MACROD2: variants seen among roughly 807,000 people sequenced by gnomAD.
MACROD2 encodes the protein ADP-ribose glycohydrolase MACROD2.
In MACROD2, 36 loss-of-function variants were observed where a neutral mutation model predicts 70.4. That is an observed-to-expected ratio of 0.51 (90% CI 0.39 to 0.68). The LOEUF (loss-of-function observed/expected upper bound fraction) is 0.68. MACROD2 is among the 30% of genes least tolerant of loss of function. The pLI is 0.00. For synonymous variants in MACROD2, 172 were observed against 178.8 expected (o/e 0.96, Z 0.30); for missense variants, 496 against 538.4 (o/e 0.92, Z 0.78).
At chr20:14,651,255 C>T (rs949444483) in intron 4 of MACROD2, among the ~76,000 whole-genome samples, 3 of 151,844 alleles carry the variant, frequency 2.0e-5, no homozygotes, top group Admixed American at 6.6e-5. Context: ...TATAGGGGGA[C>T]GTCATGATGC....
chr20:15,887,726 C>A (rs2064839939), intron 10 of MACROD2, among the ~76,000 whole-genome samples: 1 of 152,024 alleles, frequency 6.6e-6, no homozygotes, highest in Non-Finnish European at 1.5e-5. Flanking sequence ...TTTCTAGTAG[C>A]CACATTGAAC....
rs114630158 is a variant in MACROD2, at chr20:14,191,973, T to G, written c.271+106245T>G. 5.4e-3 allele frequency among the ~76,000 whole-genome samples: 798 copies of G among 147,386 alleles called. 6 individuals carry two copies. Among genetic ancestry groups the G allele is most frequent in the Middle Eastern group, 0.038 (11 of 286 alleles). On this transcript the variant is annotated intron_variant, in intron 3 of 17. Coordinates refer to ENST00000684519, the MANE Select transcript of MACROD2 (RefSeq NM_001351661.2). ...TTTAAAATACTGTGTGGCTTCTGTA[T>G]AGTTTGTGGGGGAGGGGGAGGGGGA... is the stretch of plus-strand genomic sequence containing the variant.
chr20:14,016,851 T>C (rs2052998951), intron 2 of MACROD2, among the ~76,000 whole-genome samples: 1 of 152,152 alleles, frequency 6.6e-6, no homozygotes, highest in Admixed American at 6.5e-5. Context: ...TCCCTTGAGA[T>C]TCCAAATGAA....
intron 2 of MACROD2, among the ~76,000 whole-genome samples, chr20:14,023,421 A>G (rs147495069): frequency 6.6e-6 from 1 of 152,288 alleles, no homozygotes; most frequent in Admixed American, 6.5e-5. Flanking sequence ...CCATCTGTCA[A>G]TTTTGGCTTT....
chr20:14,601,889 CTTCCTAAATAGTTAAT>C (rs1367375012), intron 4 of MACROD2, among the ~76,000 whole-genome samples: 1 of 152,148 alleles, frequency 6.6e-6, no homozygotes, highest in African/African-American at 2.4e-5. Context: ...CTAACACCCC[CTTCCTAAATAGTTAAT>C]TTCCTTTTCT....
chr20:15,007,227 G>A (rs933879169), intron 5 of MACROD2, among the ~76,000 whole-genome samples: 1 of 152,016 alleles, frequency 6.6e-6, no homozygotes, highest in Non-Finnish European at 1.5e-5. Flanking sequence ...AGCTGAGCAT[G>A]GTGGCGGGTG....
At chr20:15,918,322 G>A (rs1455652890) in intron 10 of MACROD2, among the ~76,000 whole-genome samples, 1 of 152,164 alleles carries the variant, frequency 6.6e-6, no homozygotes, top group Admixed American at 6.5e-5. Context: ...TTAGCCAGTT[G>A]TTGAAGAAAT....
At chr20:15,461,006 A>ATATATATATATATATATTTTTTTTTTTTT in intron 7 of MACROD2, among the ~76,000 whole-genome samples, 1 of 66,988 alleles carries the variant, frequency 1.5e-5, no homozygotes, top group African/African-American at 4.2e-5. Flanking sequence ...ATATATATAT[A>ATATATATATATATATATTTTTTTTTTTTT]TTTTTTTTTA....
intron 6 of MACROD2, among the ~76,000 whole-genome samples, chr20:15,407,373 A>T (rs2046017868): frequency 6.6e-6 from 1 of 152,226 alleles, no homozygotes. Context: ...ACCAGCAGCC[A>T]CAGTGGTAAC....
At chr20:14,473,732 T>G (rs2084557196) in intron 3 of MACROD2, among the ~76,000 whole-genome samples, 2 of 152,246 alleles carry the variant, frequency 1.3e-5, no homozygotes, top group Non-Finnish European at 2.9e-5. Context: ...CATACTGTCG[T>G]CTATGATAGC....
intron 8 of MACROD2, among the ~76,000 whole-genome samples, chr20:15,563,742 A>G (rs139870603): frequency 6.6e-6 from 1 of 152,192 alleles, no homozygotes; most frequent in Non-Finnish European, 1.5e-5. Context: ...TGCTGGAAAT[A>G]CTTGACTATA....
chr20:14,091,160 T>C (rs2054143305), intron 3 of MACROD2, among the ~76,000 whole-genome samples: 1 of 152,232 alleles, frequency 6.6e-6, no homozygotes, highest in Non-Finnish European at 1.5e-5. Context: ...CCTTTTCAGA[T>C]GTATTTTTTG....
intron 5 of MACROD2, among the ~76,000 whole-genome samples, chr20:14,977,767 G>T (rs1316954184): frequency 6.6e-6 from 1 of 152,122 alleles, no homozygotes; most frequent in Non-Finnish European, 1.5e-5. Flanking sequence ...GATGAGGAAG[G>T]ACCATCAGAA....
At chr20:14,901,431 A>G (rs1448784475) in intron 5 of MACROD2, among the ~76,000 whole-genome samples, 1 of 152,130 alleles carries the variant, frequency 6.6e-6, no homozygotes, top group Non-Finnish European at 1.5e-5. Flanking sequence ...TTAAAAAATA[A>G]TATTGTAAAG....
chr20:15,175,805 G>A (rs948323484), intron 5 of MACROD2, among the ~76,000 whole-genome samples: 3 of 152,218 alleles, frequency 2.0e-5, no homozygotes, highest in Non-Finnish European at 4.4e-5. Context: ...AACCATGGCT[G>A]TGTGCTCCAT....
intron 8 of MACROD2, among the ~76,000 whole-genome samples, chr20:15,707,528 A>C (rs889161034): frequency 3.9e-5 from 6 of 152,196 alleles, no homozygotes; most frequent in Admixed American, 3.9e-4. Context: ...TCAGGCCTGT[A>C]ATTCTACCAC....
chr20:14,913,671 A>T (rs947616571), intron 5 of MACROD2, among the ~76,000 whole-genome samples: 6 of 152,184 alleles, frequency 3.9e-5, no homozygotes, highest in African/African-American at 1.4e-4. Context: ...TGGATGACAG[A>T]GTGAGACCCT....
chr20:15,297,794 GGTGACCGAAA>G (rs2077605112), intron 6 of MACROD2, among the ~76,000 whole-genome samples: 1 of 152,132 alleles, frequency 6.6e-6, no homozygotes, highest in African/African-American at 2.4e-5. Context: ...GACAGGTCCT[GGTGACCGAAA>G]GTATAATCAA....
At chr20:14,758,594 TG>T (rs2071973285) in intron 5 of MACROD2, among the ~76,000 whole-genome samples, 1 of 152,164 alleles carries the variant, frequency 6.6e-6, no homozygotes, top group South Asian at 2.1e-4. Flanking sequence ...GCAAATCCAC[TG>T]GGGGACCCAT....
Sources: allele counts gnomAD v4.1 joint callset (sites outside exome capture counted in the v4.1 genomes callset), GRCh38; gene constraint gnomAD v4.1.1; transcripts MANE v1.5; gene names NCBI Gene and HGNC (gene_info 2026-07-23, HGNC 2026-07-21).